Variants in ATP1A1 observed in about 807,000 individuals in gnomAD.
ATP1A1 encodes sodium/potassium-transporting ATPase subunit alpha-1.
Under a neutral mutation model 114.8 loss-of-function variants are expected in ATP1A1, and 14 were observed. That is an observed-to-expected ratio of 0.12 (90% CI 0.08 to 0.19). ATP1A1 has a LOEUF of 0.19. Among genes scored for constraint, ATP1A1 ranks in the 10% least tolerant of loss-of-function variants. The pLI, the probability that ATP1A1 is intolerant of heterozygous loss-of-function variation, is 1.00. For synonymous variants in ATP1A1, 471 were observed against 466.3 expected (o/e 1.01, Z -0.13); for missense variants, 524 against 1,290.7 (o/e 0.41, Z 9.10).
chr1:116,376,742 G>A (rs1439695691), intron 1 of ATP1A1, among the ~76,000 whole-genome samples: 1 of 152,098 alleles, frequency 6.6e-6, no homozygotes, highest in Non-Finnish European at 1.5e-5. Context: ...CTGGGAAGAT[G>A]GGGAGAGAGT....
In ATP1A1 at chr1:116,398,089, T is replaced by C; in HGVS notation, c.2124+51T>C. Reference sequence around the variant, plus strand: ...CTTTGGGCACTATTGGCTTTAGGGATTGGAGTTCCAGTGGAAACAGAGCAA... The same window carrying C: ...CTTTGGGCACTATTGGCTTTAGGGACTGGAGTTCCAGTGGAAACAGAGCAA... On this transcript the variant is annotated intron_variant, in intron 15 of 22. Coordinates refer to ENST00000295598, the MANE Select transcript of ATP1A1 (RefSeq NM_000701.8). The surrounding 1 kb of genome is among the most constrained non-coding windows in gnomAD (Gnocchi z 6.1). The C allele has an allele frequency of 6.2e-7, 1 of 1,602,026 alleles. No homozygotes were observed. The highest frequency in any genetic ancestry group is 8.5e-7 in the Non-Finnish European group (1 of 1,173,582).
At chr1:116,392,750 C>A in intron 10 of ATP1A1, 104 bp from the exon 11 acceptor site, 1 of 1,405,178 alleles carries the variant, frequency 7.1e-7, no homozygotes, top group Non-Finnish European at 9.7e-7. Context: ...CCTCTGCTAC[C>A]TCTGACAAGA....
chr1:116,390,595 A>C (rs759268211), intron 9 of ATP1A1, among the ~76,000 whole-genome samples, 184 bp downstream of exon 9: 30 of 134,792 alleles, frequency 2.2e-4, no homozygotes, highest in Non-Finnish European at 4.4e-4. Flanking sequence ...GATTTTTTGC[A>C]TGTCAGTAGA....
At chr1:116,376,131 C>T (rs920387062) in intron 1 of ATP1A1, among the ~76,000 whole-genome samples, 1 of 152,148 alleles carries the variant, frequency 6.6e-6, no homozygotes, top group Non-Finnish European at 1.5e-5. Flanking sequence ...AGTTTGTCTT[C>T]TCAAGTGTGT....
Position 116,398,867 on chromosome 1 carries a change from A to G in ATP1A1, c.2294-63A>G. ...GCATCCATTTCTGTATACTTCTTGG[A>G]TATGTTCAGTTTCCAGTGTGCTTGT... On this transcript the variant is annotated intron_variant, in intron 16 of 22. Transcript: ENST00000295598. This position sits in a 1 kb window ranked among gnomAD's most constrained non-coding sequence, Gnocchi z 6.1. 2.5e-6 allele frequency: 4 copies of G among 1,611,018 alleles called. No homozygotes were observed. In the Admixed American group the frequency reaches 5.0e-5, roughly 20 times the overall value.
chr1:116,396,253 C>T (rs1652911020), intron 13 of ATP1A1, among the ~76,000 whole-genome samples: 1 of 151,166 alleles, frequency 6.6e-6, no homozygotes, highest in Non-Finnish European at 1.5e-5. Context: ...TCTTCACAGT[C>T]CCACCAGCAT....
chr1:116,403,499 A>T (rs1015410522), intron 21 of ATP1A1, among the ~76,000 whole-genome samples: 9 of 150,570 alleles, frequency 6.0e-5, no homozygotes, highest in African/African-American at 2.3e-4. Context: ...CTGGGATATT[A>T]GGCAGATGGT....
In ATP1A1 at chr1:116,395,953, A is replaced by G. The variant is rs2101056322; in HGVS notation, c.1837-645A>G. Among the ~76,000 whole-genome samples the G allele has an allele frequency of 6.6e-6, 1 of 152,236 alleles. No homozygotes were observed. The highest frequency in any genetic ancestry group is 2.1e-4 in the South Asian group (1 of 4,828). ...TTTTAAGTAAAGATAGGGTTTCGCC[A>G]CGTTGGCCAGGCTGGTCTCAAACTC... is the stretch of plus-strand genomic sequence containing the variant. On this transcript the variant is annotated intron_variant, in intron 13 of 22. Transcript: ENST00000295598. The surrounding 1 kb of genome is among the most constrained non-coding windows in gnomAD (Gnocchi z 6.4).
Position 116,384,765 on chromosome 1 carries a change from G to A in ATP1A1, c.124-18G>A, listed in dbSNP as rs1334494693. 6.3e-7 allele frequency: 1 copy of A among 1,594,140 alleles called. No homozygotes were observed. Among genetic ancestry groups the A allele is most frequent in the Non-Finnish European group, 8.5e-7 (1 of 1,170,752 alleles). On this transcript the variant is annotated intron_variant, in intron 2 of 22. Transcript: ENST00000295598. The surrounding 1 kb of genome is among the most constrained non-coding windows in gnomAD (Gnocchi z 5.1). ...ACTACACTGTTTAACTATTTTCTTT[G>A]TTTCTGTTTTCCCTTAGGATGATCA...
At chr1:116,379,047 CTTTTAGAATTTTTATT>C (rs945039293) in intron 1 of ATP1A1, among the ~76,000 whole-genome samples, 3 of 152,096 alleles carry the variant, frequency 2.0e-5, no homozygotes, top group African/African-American at 7.2e-5. Context: ...TTCTTTACAC[CTTTTAGAATTTTTATT>C]TTTTGAATGA....
Position 116,401,643 on chromosome 1 carries a change from T to G in ATP1A1, c.2939T>G (p.Met980Arg). 1 of 1,614,200 alleles carries G rather than the reference T, an allele frequency of 6.2e-7. No individual in the cohort carries two copies. Among genetic ancestry groups the G allele is most frequent in the Non-Finnish European group, 8.5e-7 (1 of 1,179,998 alleles). Residue 980 changes from methionine to arginine, a missense_variant, in exon 21 of 23, where the codon ATG (methionine) becomes AGG (arginine). Physicochemically the swap from Met to Arg is moderately conservative, Grantham distance 91. Coordinates refer to ENST00000295598, the MANE Select transcript of ATP1A1 (RefSeq NM_000701.8). This position sits in a 1 kb window ranked among gnomAD's most constrained non-coding sequence, Gnocchi z 4.7. The part of the protein sequence containing the change: ...YCPGMGVALR[M>R]YPLKPTWWFC... ...CCTGGAATGGGTGTTGCTCTTAGGATGTATCCCCTCAAGTAAGTTGATCCT... is the reference window on the plus strand; with the variant it reads ...CCTGGAATGGGTGTTGCTCTTAGGAGGTATCCCCTCAAGTAAGTTGATCCT...
At position 116,389,055 on chromosome 1, in the gene ATP1A1, T is replaced by TA; in HGVS notation, c.754+37dup. On this transcript the variant is annotated intron_variant, in intron 7 of 22. Coordinates refer to ENST00000295598, the MANE Select transcript of ATP1A1 (RefSeq NM_000701.8). This position sits in a 1 kb window ranked among gnomAD's most constrained non-coding sequence, Gnocchi z 6.9. ...TTTGGGCACTTTGAGCATGGCGTGG[T>TA]ATTTCTCTTGGGCATTAACAAAATC... The TA allele has an allele frequency of 6.4e-7, 1 of 1,555,926 alleles. No homozygotes were observed. Among genetic ancestry groups the TA allele is most frequent in the Non-Finnish European group, 8.9e-7 (1 of 1,128,780 alleles).
rs1651254062 is a variant in ATP1A1, at chr1:116,374,837, G to A, written c.12+1314G>A. On this transcript the variant is annotated intron_variant, in intron 1 of 22. Coordinates refer to ENST00000295598, the MANE Select transcript of ATP1A1 (RefSeq NM_000701.8). The stretch of plus-strand genomic sequence containing the variant: ...GTAGACAGAGTGTCGGGAGCAGAGG[G>A]AGGCTGCACTCCTTGGGGACTCTAA... Among the ~76,000 whole-genome samples the A allele has an allele frequency of 2.0e-5, 3 of 152,168 alleles. No individual in the cohort carries two copies. In the South Asian group the frequency reaches 6.2e-4, roughly 31 times the overall value.
At chr1:116,380,897 A>T (rs1444513134) in intron 1 of ATP1A1, among the ~76,000 whole-genome samples, 1 of 152,034 alleles carries the variant, frequency 6.6e-6, no homozygotes, top group Non-Finnish European at 1.5e-5. Flanking sequence ...CCTTGCTGTG[A>T]CTTTCCACTT....
chr1:116,399,363 A>G lies in ATP1A1; in HGVS notation c.2449-57A>G. The G allele has an allele frequency of 1.3e-6, 2 of 1,573,354 alleles. No homozygotes were observed. The highest frequency in any genetic ancestry group is 1.9e-5 in the Admixed American group (1 of 51,454). On this transcript the variant is annotated intron_variant, in intron 17 of 22. Transcript: ENST00000295598. The surrounding 1 kb of genome is among the most constrained non-coding windows in gnomAD (Gnocchi z 5.0). ...GCAAGAATTTTATAACAAAAGGTTCACAATATTAGCTTCCTTATTTTTAGT... is the reference window on the plus strand; with the variant it reads ...GCAAGAATTTTATAACAAAAGGTTCGCAATATTAGCTTCCTTATTTTTAGT...
At chr1:116,380,998 G>A (rs1027487165) in intron 1 of ATP1A1, among the ~76,000 whole-genome samples, 5 of 152,072 alleles carry the variant, frequency 3.3e-5, no homozygotes, top group Non-Finnish European at 7.4e-5. Context: ...AATCCGTTGA[G>A]TTTCCATTGT....
chr1:116,384,245 A>G lies in ATP1A1; in HGVS notation c.123+121A>G, dbSNP rs1160187270. ...TATTAAAAGAGATCATAGCAGCTGT[A>G]CAGATCTCATCTAGTCGTAGAGGTT... On this transcript the variant is annotated intron_variant, in intron 2 of 22. Coordinates refer to ENST00000295598, the MANE Select transcript of ATP1A1 (RefSeq NM_000701.8). The surrounding 1 kb of genome is among the most constrained non-coding windows in gnomAD (Gnocchi z 5.1). The G allele has an allele frequency of 2.5e-6, 2 of 787,922 alleles. No individual in the cohort carries two copies. The highest frequency in any genetic ancestry group is 3.8e-5 in the South Asian group (2 of 53,116). 48.8% of individuals were successfully genotyped at this position (787,922 alleles called of 1,614,324 possible). A position where few individuals can be genotyped will look rare whatever the true frequency, so the allele number is the denominator to read the frequency against.
At chr1:116,375,370 GTTGAA>G (rs1651298584) in intron 1 of ATP1A1, among the ~76,000 whole-genome samples, 1 of 152,224 alleles carries the variant, frequency 6.6e-6, no homozygotes, top group Non-Finnish European at 1.5e-5. Flanking sequence ...TATTTGTGAT[GTTGAA>G]TTAATAGGCC....
At position 116,395,474 on chromosome 1, in the gene ATP1A1, CGAG is replaced by C. The variant is rs916788179; in HGVS notation, c.1836+192_1836+194del. Among the ~76,000 whole-genome samples, 2 of 151,782 alleles carry C rather than the reference CGAG, an allele frequency of 1.3e-5. No homozygotes were observed. Among genetic ancestry groups the C allele is most frequent in the Non-Finnish European group, 2.9e-5 (2 of 67,972 alleles). On this transcript the variant is annotated intron_variant, in intron 13 of 22. Transcript: ENST00000295598. This position sits in a 1 kb window ranked among gnomAD's most constrained non-coding sequence, Gnocchi z 6.4. ...ATTAAAATATGATGGTGTAAACACA[CGAG>C]GAATTAAAAATTTTTTGGAAAGCAA... is the stretch of plus-strand genomic sequence containing the variant.
Sources: gnomAD v4.1 joint callset for allele counts (sites outside exome capture counted in the v4.1 genomes callset) on GRCh38, gnomAD v4.1.1 for gene constraint, Gnocchi (gnomAD v3.1) non-coding constraint, MANE v1.5 for transcripts, NCBI Gene and HGNC (gene_info 2026-07-23, HGNC 2026-07-21) for gene names.